FHIP1A: variants seen among roughly 807,000 people sequenced by gnomAD.
The protein encoded by FHIP1A is FHF complex subunit HOOK-interacting protein 1A.
In FHIP1A, 61 loss-of-function variants were observed where a neutral mutation model predicts 88.6. That is an observed-to-expected ratio of 0.69 (90% confidence interval 0.56 to 0.85). The LOEUF is 0.85. FHIP1A is among the 40% of genes least tolerant of loss of function. FHIP1A has a pLI of 0.00. For missense variants in FHIP1A, 1,154 were observed against 1,273.5 expected, an observed-to-expected ratio of 0.91 and a Z score of 1.43; for synonymous variants, 478 against 496.0, an observed-to-expected ratio of 0.96 and a Z score of 0.48.
At chr4:151,422,316 G>T (rs977496188) in intron 1 of FHIP1A, among the ~76,000 whole-genome samples, 5 of 151,882 alleles carry the variant, frequency 3.3e-5, no homozygotes, top group African/African-American at 1.2e-4. Context: ...ACATAGACCA[G>T]TGCATGACAT....
At chr4:151,589,713 A>G (rs1403288427) in intron 7 of FHIP1A, among the ~76,000 whole-genome samples, 2 of 152,144 alleles carry the variant, frequency 1.3e-5, no homozygotes, top group Non-Finnish European at 2.9e-5. Context: ...ATGGACTTTT[A>G]TTTTACAGAA....
chr4:151,609,742 C>G (rs1252154278), intron 7 of FHIP1A, among the ~76,000 whole-genome samples: 2 of 152,060 alleles, frequency 1.3e-5, no homozygotes, highest in Non-Finnish European at 2.9e-5. Context: ...ACTGGAAGAC[C>G]AGATCTTTCC....
chr4:151,653,935 C>CT (rs1737132570), intron 11 of FHIP1A, among the ~76,000 whole-genome samples: 1 of 152,146 alleles, frequency 6.6e-6, no homozygotes, highest in Non-Finnish European at 1.5e-5. Flanking sequence ...GGTGGGGAGT[C>CT]TATCTGTCCT....
rs73862078 is a variant in FHIP1A, at chr4:151,653,358, C to G, written c.2551+2766C>G. Among the ~76,000 whole-genome samples, 863 of 129,638 alleles carry G rather than the reference C, an allele frequency of 6.7e-3. 8 individuals carry two copies. Among genetic ancestry groups the G allele is most frequent in the African/African-American group, 0.018 (636 of 35,050 alleles). The allele number at this position is 129,638 out of a possible 152,430, so 85.0% of individuals were successfully genotyped here. A position where few individuals can be genotyped will look rare whatever the true frequency, so the allele number is the denominator to read the frequency against. On this transcript the variant is annotated intron_variant, in intron 11 of 13. Coordinates refer to ENST00000435205, the MANE Select transcript of FHIP1A (RefSeq NM_001109977.3). ...ATACTAGGTCTCTCTGTGTGTGTGT[C>G]TCTCTCTCTCTCTCTCTCTCCCCCT...
intron 2 of FHIP1A, among the ~76,000 whole-genome samples, chr4:151,479,886 T>C (rs1269963890): frequency 1.3e-5 from 2 of 152,096 alleles, no homozygotes; most frequent in African/African-American, 4.8e-5. Flanking sequence ...ATTTTGTTCC[T>C]TTGTTGAAAT....
chr4:151,522,587 C>G (rs76146261), intron 3 of FHIP1A, among the ~76,000 whole-genome samples: 10 of 152,298 alleles, frequency 6.6e-5, no homozygotes, highest in African/African-American at 2.4e-4. Flanking sequence ...ACTTCCCTGC[C>G]TATTCTTCTA....
intron 7 of FHIP1A, among the ~76,000 whole-genome samples, chr4:151,620,300 C>G (rs1735688210): frequency 6.6e-6 from 1 of 152,152 alleles, no homozygotes; most frequent in African/African-American, 2.4e-5. Flanking sequence ...GAAGAGGCAC[C>G]CTTCTCTAAT....
chr4:151,568,750 C>T (rs1405043363), intron 4 of FHIP1A, among the ~76,000 whole-genome samples: 1 of 151,946 alleles, frequency 6.6e-6, no homozygotes, highest in East Asian at 1.9e-4. Flanking sequence ...CTGGAAATGG[C>T]CTGGGAATGG....
At chr4:151,467,597 G>A (rs1454574071) in intron 2 of FHIP1A, among the ~76,000 whole-genome samples, 1 of 152,080 alleles carries the variant, frequency 6.6e-6, no homozygotes, top group Non-Finnish European at 1.5e-5. Context: ...GTGATGGACT[G>A]GATAAAGAAA....
intron 3 of FHIP1A, among the ~76,000 whole-genome samples, chr4:151,522,955 G>T (rs920803692): frequency 3.3e-5 from 5 of 152,162 alleles, no homozygotes; most frequent in Admixed American, 1.3e-4. Flanking sequence ...AGGGGTTTGT[G>T]ATTTTCTGAG....
At chr4:151,497,571 T>A (rs1474255449) in intron 3 of FHIP1A, among the ~76,000 whole-genome samples, 2 of 152,214 alleles carry the variant, frequency 1.3e-5, no homozygotes, top group Admixed American at 1.3e-4. Flanking sequence ...CCAGGGGTGA[T>A]TTTTGCCTCC....
At chr4:151,410,951 A>C (rs1732614418) in intron 1 of FHIP1A, among the ~76,000 whole-genome samples, 2 of 152,232 alleles carry the variant, frequency 1.3e-5, no homozygotes, top group African/African-American at 4.8e-5. Flanking sequence ...TAAACTGTGT[A>C]GGGTGGCTGG....
intron 3 of FHIP1A, among the ~76,000 whole-genome samples, chr4:151,500,653 G>T (rs2126661840): frequency 6.6e-6 from 1 of 152,212 alleles, no homozygotes; most frequent in Non-Finnish European, 1.5e-5. Flanking sequence ...AGGCCACATT[G>T]TAACTGCTAT....
chr4:151,597,891 G>A (rs764398671), intron 7 of FHIP1A, among the ~76,000 whole-genome samples: 19 of 152,164 alleles, frequency 1.2e-4, no homozygotes, highest in Non-Finnish European at 2.4e-4. Flanking sequence ...CACCAAGCTC[G>A]AGTGTCCCAG....
chr4:151,615,897 A>G (rs777937340), intron 7 of FHIP1A, among the ~76,000 whole-genome samples: 12 of 152,180 alleles, frequency 7.9e-5, no homozygotes, highest in Middle Eastern at 3.2e-3. Context: ...AGAAAAGGAA[A>G]GTTTAGATTA....
At chr4:151,471,610 C>CT (rs1473973838) in intron 2 of FHIP1A, among the ~76,000 whole-genome samples, 3 of 151,012 alleles carry the variant, frequency 2.0e-5, no homozygotes, top group Non-Finnish European at 4.4e-5. Context: ...TGGGAGATTT[C>CT]TTTTTTTTTA....
At chr4:151,493,081 T>A (rs1160257516) in intron 3 of FHIP1A, among the ~76,000 whole-genome samples, 2 of 152,116 alleles carry the variant, frequency 1.3e-5, no homozygotes, top group African/African-American at 4.8e-5. Context: ...GATAGATCAT[T>A]AGATTAACCA....
intron 7 of FHIP1A, among the ~76,000 whole-genome samples, chr4:151,623,349 A>G (rs1262443565): frequency 6.6e-6 from 1 of 152,086 alleles, no homozygotes; most frequent in Non-Finnish European, 1.5e-5. Context: ...GACCACCTCA[A>G]AATCTTCTGA....
intron 7 of FHIP1A, among the ~76,000 whole-genome samples, chr4:151,602,488 C>G (rs553521234): frequency 6.6e-6 from 1 of 152,088 alleles, no homozygotes; most frequent in East Asian, 1.9e-4. Flanking sequence ...AAACTAAGTG[C>G]TGTGACAGAG....
Sources: allele counts gnomAD v4.1 joint callset (sites outside exome capture counted in the v4.1 genomes callset), GRCh38; gene constraint gnomAD v4.1.1; transcripts MANE v1.5; gene names NCBI Gene and HGNC (gene_info 2026-07-23, HGNC 2026-07-21).